The following ABRA variants were observed in gnomAD, a reference collection of about 807,000 sequenced individuals.
ABRA encodes actin-binding Rho-activating protein.
Under a neutral mutation model 33.4 loss-of-function variants are expected in ABRA, and 25 were observed. The observed-to-expected ratio is 0.75, with a 90% CI of 0.55 to 1.04. The LOEUF is 1.04. Ranked by LOEUF, ABRA falls within the 50% of genes least tolerant of loss-of-function variation. The pLI is 0.00. For missense variants in ABRA, 501 were observed against 491.7 expected (o/e 1.02, Z -0.18); for synonymous variants, 193 against 176.8 (o/e 1.09, Z -0.73).
intron 1 of ABRA, among the ~76,000 whole-genome samples, chr8:106,765,352 G>A (rs1374596615): frequency 6.6e-6 from 1 of 152,098 alleles, no homozygotes; most frequent in Non-Finnish European, 1.5e-5. Context: ...ACGCCTAAAG[G>A]CATGATTTTC....
intron 1 of ABRA, among the ~76,000 whole-genome samples, chr8:106,762,390 A>G (rs1042282276): frequency 5.9e-5 from 9 of 152,216 alleles, no homozygotes; most frequent in African/African-American, 1.9e-4. Flanking sequence ...TAGTGATGCC[A>G]CTCAGCAGGC....
rs747203470 is a variant in ABRA at position 106,761,359 on chromosome 8, A to G, written c.824T>C (p.Met275Thr). ...FSEEFDYELA[M>T]STRLHKGDEG... ...ATCTCCTTTGTGTAGGCGGGTGGAC[A>G]TGGCCAGCTCGTAATCAAACTCTTC... The change falls in exon 2 of 2, where the codon ATG becomes ACG. Residue 275 changes from methionine (M) to threonine (T), a missense_variant. Met to Thr is a moderately conservative substitution (Grantham distance 81). Coordinates refer to ENST00000311955, the MANE Select transcript of ABRA (RefSeq NM_139166.5). The G allele has an allele frequency of 3.0e-5, 49 of 1,613,972 alleles. No individual in the cohort carries two copies. Among genetic ancestry groups the G allele is most frequent in the Non-Finnish European group, 4.1e-5 (48 of 1,180,026 alleles).
At chr8:106,768,608 G>A (rs999493225) in intron 1 of ABRA, among the ~76,000 whole-genome samples, 4 of 152,114 alleles carry the variant, frequency 2.6e-5, no homozygotes, top group African/African-American at 9.7e-5. Context: ...TACTGTTGCT[G>A]TCATTTTACA....
chr8:106,770,044 T>G lies in ABRA; in HGVS notation c.147A>C (p.Thr49=), dbSNP rs377703922. ...CCTGGGTCCCTCCCGGCAGCCAGCC[T>G]GTAGGCTCCTGGGCCTGCCTGATGC... ...ENSIRQAQEP[T]GWLPGGTQDS... Residue 49 remains threonine (T), a synonymous_variant, in exon 1 of 2, where the codon ACA becomes ACC. Coordinates refer to ENST00000311955, the MANE Select transcript of ABRA (RefSeq NM_139166.5). The G allele has an allele frequency of 3.8e-5, 61 of 1,613,990 alleles. No individual in the cohort carries two copies. Among genetic ancestry groups the G allele is most frequent in the Non-Finnish European group, 4.7e-5 (55 of 1,180,018 alleles).
intron 1 of ABRA, among the ~76,000 whole-genome samples, chr8:106,768,539 G>T (rs540469117): frequency 6.6e-6 from 1 of 152,218 alleles, no homozygotes; most frequent in Non-Finnish European, 1.5e-5. Context: ...CAAGCTCTGT[G>T]TTTGGTAGCC....
In ABRA at chr8:106,769,876, T is replaced by A. The variant is rs761360116; in HGVS notation, c.315A>T (p.Lys105Asn). The A allele has an allele frequency of 6.2e-7, 1 of 1,614,136 alleles. No homozygotes were observed. Among genetic ancestry groups the A allele is most frequent in the Non-Finnish European group, 8.5e-7 (1 of 1,180,030 alleles). The change falls in exon 1 of 2, where the codon AAA becomes AAT. Residue 105 changes from lysine (K) to asparagine (N), a missense_variant. Coordinates refer to ENST00000311955, the MANE Select transcript of ABRA (RefSeq NM_139166.5). Reference protein sequence around the residue: ...SEKAPEVSHIKKKEVSKTVVS... With the variant: ...SEKAPEVSHINKKEVSKTVVS... ...CCACCGTTTTGGACACCTCTTTCTTTTTGATGTGAGAAACCTCAGGGGCTT... is the reference window on the plus strand; with the variant it reads ...CCACCGTTTTGGACACCTCTTTCTTATTGATGTGAGAAACCTCAGGGGCTT...
chr8:106,765,959 A>G (rs904709589), intron 1 of ABRA, among the ~76,000 whole-genome samples: 10 of 152,176 alleles, frequency 6.6e-5, no homozygotes, highest in Non-Finnish European at 4.4e-5. Context: ...TAAGAACACA[A>G]GTGCTGGCAT....
chr8:106,761,105 C>A lies in ABRA; in HGVS notation c.1078G>T (p.Val360Leu). 1 of 1,614,216 alleles carries A rather than the reference C, an allele frequency of 6.2e-7. No individual in the cohort carries two copies. The highest frequency in any genetic ancestry group is 2.2e-5 in the East Asian group (1 of 44,890). Residue 360 changes from valine (V) to leucine (L), a missense_variant, in exon 2 of 2, where the codon GTA becomes TTA. Physicochemically the swap from Val to Leu is conservative, Grantham distance 32. Transcript: ENST00000311955. ...ILMRARKHGLVDFEGEMLWQG... is the reference protein window; with the variant it reads ...ILMRARKHGLLDFEGEMLWQG... ...CATAGCATCTCTCCTTCAAAGTCTA[C>A]CAGTCCATGTTTCCTGGCACGCATG...
At chr8:106,769,471 TG>T in intron 1 of ABRA, 51 bp downstream of exon 1, 5 of 1,560,480 alleles carry the variant, frequency 3.2e-6, no homozygotes, top group Non-Finnish European at 3.5e-6. Context: ...CAGACTTGGT[TG>T]GGGCTCAATA....
At chr8:106,763,274 T>A (rs1836162859) in intron 1 of ABRA, among the ~76,000 whole-genome samples, 1 of 152,164 alleles carries the variant, frequency 6.6e-6, no homozygotes, top group African/African-American at 2.4e-5. Context: ...GCTTGGTGTT[T>A]CCCAACGTCC....
intron 1 of ABRA, among the ~76,000 whole-genome samples, chr8:106,764,269 A>C (rs778785229): frequency 6.6e-6 from 1 of 152,144 alleles, no homozygotes; most frequent in Non-Finnish European, 1.5e-5. Context: ...TTTTTCTTCT[A>C]ATTTTTAATT....
At chr8:106,764,978 G>A (rs902007467) in intron 1 of ABRA, among the ~76,000 whole-genome samples, 30 of 151,438 alleles carry the variant, frequency 2.0e-4, no homozygotes, top group African/African-American at 6.3e-4. Flanking sequence ...TTTTTTGGTC[G>A]TAAGTACTAT....
intron 1 of ABRA, among the ~76,000 whole-genome samples, chr8:106,765,375 G>A (rs1038680540): frequency 1.3e-5 from 2 of 152,108 alleles, no homozygotes; most frequent in African/African-American, 2.4e-5. Flanking sequence ...TTCTGTCTCC[G>A]ATCTGTATGG....
rs1349742767 is a variant in ABRA at position 106,765,387 on chromosome 8, G to C, written c.669-3873C>G. 2.6e-5 allele frequency among the ~76,000 whole-genome samples: 4 copies of C among 152,182 alleles called. No individual in the cohort carries two copies. The South Asian group carries it at 8.3e-4, about 32-fold the overall frequency. ...CTCTTCTGTCTCCGATCTGTATGGA[G>C]AAAGTGAAAATGGGCTTTCACTGCC... On this transcript the variant is annotated intron_variant, in intron 1 of 1. Coordinates refer to ENST00000311955, the MANE Select transcript of ABRA (RefSeq NM_139166.5).
At position 106,769,695 on chromosome 8, in the gene ABRA, G is replaced by T. The variant is rs751343169; in HGVS notation, c.496C>A (p.Leu166Met). 6.2e-7 allele frequency: 1 copy of T among 1,614,172 alleles called. No homozygotes were observed. Among genetic ancestry groups the T allele is most frequent in the South Asian group, 1.1e-5 (1 of 91,084 alleles). ...SPTRRRKCAN[L>M]VSELTKGWRV... ...CAGCCCTTGGTTAGCTCAGACACCAGGTTGGCACATTTTCTCCTCCGCGTT... is the reference window on the plus strand; with the variant it reads ...CAGCCCTTGGTTAGCTCAGACACCATGTTGGCACATTTTCTCCTCCGCGTT... Residue 166 changes from leucine (L) to methionine (M), a missense_variant, in exon 1 of 2, where the codon CTG (leucine) becomes ATG (methionine). By Grantham distance (15) the Leu-to-Met change is conservative (BLOSUM62 2). Coordinates refer to ENST00000311955, the MANE Select transcript of ABRA (RefSeq NM_139166.5).
At chr8:106,762,337 C>T (rs942369862) in intron 1 of ABRA, among the ~76,000 whole-genome samples, 4 of 152,184 alleles carry the variant, frequency 2.6e-5, no homozygotes, top group Non-Finnish European at 5.9e-5. Flanking sequence ...AGGATTCAAA[C>T]GCAAGACTGC....
At chr8:106,765,540 G>A (rs1319836921) in intron 1 of ABRA, among the ~76,000 whole-genome samples, 3 of 152,132 alleles carry the variant, frequency 2.0e-5, no homozygotes, top group African/African-American at 4.8e-5. Flanking sequence ...TGGTTTGCTT[G>A]TCCTTCCCTA....
At position 106,761,028 on chromosome 8, in the gene ABRA, T is replaced by G. The variant is rs199661554; in HGVS notation, c.*9A>C. 1.0e-5 allele frequency: 16 copies of G among 1,604,500 alleles called. No individual in the cohort carries two copies. The Admixed American group carries it at 1.8e-4, about 18-fold the overall frequency. ...TAGTGGGCCAAATTTGGCTTTTGTTTTTGAAGGTTCACTTGAGTAGCGTAA... is the reference window on the plus strand; with the variant it reads ...TAGTGGGCCAAATTTGGCTTTTGTTGTTGAAGGTTCACTTGAGTAGCGTAA... On this transcript the variant is annotated 3_prime_UTR_variant, in exon 2 of 2. Coordinates refer to ENST00000311955, the MANE Select transcript of ABRA (RefSeq NM_139166.5).
In ABRA at chr8:106,760,903, C is replaced by G. The variant is rs1836125750; in HGVS notation, c.*134G>C. The G allele has an allele frequency of 3.7e-6, 3 of 817,112 alleles. No individual in the cohort carries two copies. The highest frequency in any genetic ancestry group is 3.4e-5 in the African/African-American group (2 of 58,236). The allele number at this position is 817,112 out of a possible 1,614,324, so 50.6% of individuals were successfully genotyped here. A position where few individuals can be genotyped will look rare whatever the true frequency, so the allele number is the denominator to read the frequency against. On this transcript the variant is annotated 3_prime_UTR_variant, in exon 2 of 2. Coordinates refer to ENST00000311955, the MANE Select transcript of ABRA (RefSeq NM_139166.5). The stretch of plus-strand genomic sequence containing the variant: ...CCTCATTCTAGATAGAAATAGAATG[C>G]CAGAAAGTCGTTTATGTAAAAATTG...
Sources: gnomAD v4.1 joint callset for allele counts (sites outside exome capture counted in the v4.1 genomes callset) on GRCh38, gnomAD v4.1.1 for gene constraint, MANE v1.5 for transcripts, NCBI Gene and HGNC (gene_info 2026-07-23, HGNC 2026-07-21) for gene names.